LBR: variants seen among roughly 807,000 people sequenced by gnomAD.
LBR encodes the protein delta(14)-sterol reductase LBR.
A neutral mutation model predicts 74.3 loss-of-function variants in LBR; 28 were observed. The ratio of observed to expected loss-of-function variants is 0.38; its 90% confidence interval spans 0.28 to 0.52. The LOEUF (loss-of-function observed/expected upper bound fraction) is 0.52, where lower values mean the gene tolerates loss of function less well. Among genes scored for constraint, LBR ranks in the 20% least tolerant of loss-of-function variants. The probability of loss-of-function intolerance (pLI) is 0.89; values close to 1 mark genes in which losing one functional copy is unlikely to be tolerated. For missense variants in LBR, 717 were observed against 760.3 expected (o/e 0.94, Z 0.67); for synonymous variants, 228 against 269.3 (o/e 0.85, Z 1.50).
Position 225,406,710 on chromosome 1 carries a change from T to G in LBR, c.1437A>C (p.Pro479=). ...SFQAFYLVSH[P]NEVSWPMASL... is the part of the protein sequence containing the mutation. Reference sequence around the variant, plus strand: ...AAGCCATTGGCCAAGACACTTCATTTGGATGACTGACTAAATAAAAGGCTT... The same window carrying G: ...AAGCCATTGGCCAAGACACTTCATTGGGATGACTGACTAAATAAAAGGCTT... The change falls in exon 11 of 14, where the codon CCA becomes CCC. Residue 479 remains proline, a synonymous_variant. Coordinates refer to ENST00000272163, the MANE Select transcript of LBR (RefSeq NM_002296.4). 6.2e-7 allele frequency: 1 copy of G among 1,613,844 alleles called. No individual in the cohort carries two copies. The highest frequency in any genetic ancestry group is 1.1e-5 in the South Asian group (1 of 90,976).
intron 1 of LBR, 63 bp downstream of exon 1, chr1:225,427,891 C>A (rs2096143688): frequency 6.6e-6 from 1 of 152,154 alleles, no homozygotes; most frequent in African/African-American, 2.4e-5. Context: ...CTTCCTCCCC[C>A]AGCGGCCCCT....
At chr1:225,423,127 A>G (rs1332557041) in intron 2 of LBR, among the ~76,000 whole-genome samples, 1 of 152,236 alleles carries the variant, frequency 6.6e-6, no homozygotes, top group Non-Finnish European at 1.5e-5. Context: ...AAATAGGTGT[A>G]TGGAAATGTT....
Position 225,412,611 on chromosome 1 carries a change from G to A in LBR, c.927C>T (p.Ile309=), listed in dbSNP as rs143164834. 3.3e-4 allele frequency: 525 copies of A among 1,609,912 alleles called. 7 individuals carry two copies. In the Admixed American group the frequency reaches 7.9e-3, roughly 24 times the overall value. The change falls in exon 8 of 14, where the codon ATC becomes ATT. Residue 309 remains isoleucine (I), a synonymous_variant. Transcript: ENST00000272163. ...CTACGCCCTGGAAGAGAGATGTTCC[G>A]ATGACTGCAGATGTCAGGATAAAAG... is the stretch of plus-strand genomic sequence containing the variant. ...FYAFILTSAV[I]GTSLFQGVEF... is the part of the protein sequence containing the mutation.
chr1:225,415,249 C>T (rs1366885688), intron 7 of LBR, 29 bp downstream of exon 7: 1 of 1,392,550 alleles, frequency 7.2e-7, no homozygotes, highest in African/African-American at 1.4e-5. Flanking sequence ...ATCAAATCAT[C>T]AATTTGAGTC....
At chr1:225,424,973 G>A (rs1325224324) in intron 1 of LBR, among the ~76,000 whole-genome samples, 1 of 152,178 alleles carries the variant, frequency 6.6e-6, no homozygotes, top group Non-Finnish European at 1.5e-5. Flanking sequence ...ACCTTCCCCA[G>A]TACCACATGA....
chr1:225,420,334 C>G (rs2150956835), intron 3 of LBR, among the ~76,000 whole-genome samples: 1 of 150,576 alleles, frequency 6.6e-6, no homozygotes, highest in South Asian at 2.1e-4. Flanking sequence ...CAACTTTGAT[C>G]TTTCACGTAA....
chr1:225,415,410 A>G, intron 6 of LBR, 78 bp from the exon 7 acceptor site: 1 of 722,458 alleles, frequency 1.4e-6, no homozygotes, highest in Non-Finnish European at 2.4e-6. Flanking sequence ...ACATATATAT[A>G]TTCTAGTATC....
Position 225,414,083 on chromosome 1 carries a change from GGTGCCA to G in LBR, c.892+1189_892+1194del, listed in dbSNP as rs1166642610. ...TAAGTGAACCACCAGAGGGAGGGAG[GGTGCCA>G]AAGGTTCTAAAACTTGCTCCATCAG... is the stretch of plus-strand genomic sequence containing the variant. On this transcript the variant is annotated intron_variant, in intron 7 of 13. Coordinates refer to ENST00000272163, the MANE Select transcript of LBR (RefSeq NM_002296.4). 22 of 456,514 alleles carry G rather than the reference GGTGCCA, an allele frequency of 4.8e-5. No individual in the cohort carries two copies. In the East Asian group the frequency reaches 1.5e-3, roughly 32 times the overall value. 28.3% of individuals were successfully genotyped at this position (456,514 alleles called of 1,614,324 possible). A position where few individuals can be genotyped will look rare whatever the true frequency, so the allele number is the denominator to read the frequency against.
In LBR at chr1:225,422,442, A is replaced by G. The variant is rs978465014; in HGVS notation, c.166-165T>C. The G allele has an allele frequency of 1.4e-5, 9 of 654,210 alleles. No individual in the cohort carries two copies. In the African/African-American group the frequency reaches 1.6e-4, roughly 12 times the overall value. The allele number at this position is 654,210 out of a possible 1,614,324, so 40.5% of individuals were successfully genotyped here. The stretch of plus-strand genomic sequence containing the variant: ...ATGGATCAGATGAAGCCAATGGAAA[A>G]TGCTTTCATAATGATCCATCTTTCA... On this transcript the variant is annotated intron_variant, in intron 2 of 13. Transcript: ENST00000272163.
upstream of LBR, among the ~76,000 whole-genome samples, chr1:225,428,356 G>A (rs1201891624): frequency 6.6e-6 from 1 of 152,160 alleles, no homozygotes; most frequent in Admixed American, 6.5e-5. Context: ...CGCAGCACAC[G>A]GAGCCCGCGC....
At chr1:225,408,502 A>C (rs1226984779) in intron 10 of LBR, among the ~76,000 whole-genome samples, 1 of 152,198 alleles carries the variant, frequency 6.6e-6, no homozygotes, top group African/African-American at 2.4e-5. Flanking sequence ...CTTTCACAGG[A>C]CGGCTCAGAG....
At position 225,419,876 on chromosome 1, in the gene LBR, T is replaced by C. The variant is rs79557502; in HGVS notation, c.367-78A>G. Reference sequence around the variant, plus strand: ...GAAACATGATGGTAAAAACTTACTGTTTTGGAATCAAGCAATAAAACAGAT... The same window carrying C: ...GAAACATGATGGTAAAAACTTACTGCTTTGGAATCAAGCAATAAAACAGAT... On this transcript the variant is annotated intron_variant, in intron 3 of 13. Transcript: ENST00000272163. The C allele has an allele frequency of 0.046, 47,802 of 1,046,040 alleles. 1,308 individuals are homozygous for C. Among genetic ancestry groups the C allele is most frequent in the South Asian group, 0.055 (4,255 of 76,772 alleles). The allele number at this position is 1,046,040 out of a possible 1,614,324, so 64.8% of individuals were successfully genotyped here. A position where few individuals can be genotyped will look rare whatever the true frequency, so the allele number is the denominator to read the frequency against.
chr1:225,422,335 A>G, intron 2 of LBR, 58 bp from the exon 3 acceptor site: 1 of 1,362,418 alleles, frequency 7.3e-7, no homozygotes, highest in Non-Finnish European at 1.0e-6. Context: ...ATACAGACAG[A>G]CCCACACTAG....
intron 13 of LBR, 70 bp from the exon 14 acceptor site, chr1:225,403,533 C>T (rs904362100): frequency 9.4e-6 from 12 of 1,276,940 alleles, no homozygotes; most frequent in Middle Eastern, 1.9e-4. Context: ...TCCTGCTTTC[C>T]CCCAAATTCT....
At chr1:225,417,259 G>A (rs370925313) in intron 6 of LBR, among the ~76,000 whole-genome samples, 1 of 152,056 alleles carries the variant, frequency 6.6e-6, no homozygotes, top group Non-Finnish European at 1.5e-5. Flanking sequence ...CAGTAAAACC[G>A]ATCCTTTGGT....
At chr1:225,411,246 C>G in intron 9 of LBR, 91 bp downstream of exon 9, 1 of 882,678 alleles carries the variant, frequency 1.1e-6, no homozygotes, top group Non-Finnish European at 1.9e-6. Flanking sequence ...AATATACCAC[C>G]CACTGCTTAT....
chr1:225,413,991 G>A, intron 7 of LBR: 1 of 456,758 alleles, frequency 2.2e-6, no homozygotes, highest in Non-Finnish European at 4.4e-6. Context: ...ACAAAACACT[G>A]AAATCAAAGG....
intron 10 of LBR, 109 bp downstream of exon 10, chr1:225,410,182 G>A: frequency 6.5e-7 from 1 of 1,535,790 alleles, no homozygotes; most frequent in Non-Finnish European, 8.9e-7. Flanking sequence ...CAGCCTTGGA[G>A]GCAGGCCATG....
At chr1:225,410,568 G>A in intron 9 of LBR, 152 bp from the exon 10 acceptor site, 1 of 775,752 alleles carries the variant, frequency 1.3e-6, no homozygotes, top group Non-Finnish European at 2.2e-6. Context: ...CAGCACCATG[G>A]GCCCCTGGAC....
Sources: allele counts gnomAD v4.1 joint callset (sites outside exome capture counted in the v4.1 genomes callset), GRCh38; gene constraint gnomAD v4.1.1; transcripts MANE v1.5; gene names NCBI Gene and HGNC (gene_info 2026-07-23, HGNC 2026-07-21).